Variants in VPS50 observed in about 807,000 individuals in gnomAD.
The protein encoded by VPS50 is VPS50 subunit of EARP/GARPII complex.
In VPS50, 70 loss-of-function variants were observed where a neutral mutation model predicts 139.7. The observed-to-expected ratio is 0.50, with a 90% CI of 0.41 to 0.61. The LOEUF (loss-of-function observed/expected upper bound fraction) is 0.61. Among genes scored for constraint, VPS50 ranks in the 20% least tolerant of loss-of-function variants. The pLI, the probability that VPS50 is intolerant of heterozygous loss-of-function variation, is 0.00. For synonymous variants in VPS50, 365 were observed against 376.7 expected, an observed-to-expected ratio of 0.97 and a Z score of 0.36; for missense variants, 921 against 1,133.7, an observed-to-expected ratio of 0.81 and a Z score of 2.69.
At chr7:93,272,479 CTT>C (rs988469402) in intron 10 of VPS50, among the ~76,000 whole-genome samples, 154 bp from the exon 11 acceptor site, 2 of 151,790 alleles carry the variant, frequency 1.3e-5, no homozygotes, top group African/African-American at 4.8e-5. Flanking sequence ...CAATTTATAA[CTT>C]TATTTAAATT....
intron 21 of VPS50, among the ~76,000 whole-genome samples, chr7:93,326,429 CT>C (rs1797777937): frequency 7.2e-6 from 1 of 139,084 alleles, no homozygotes; most frequent in African/African-American, 2.8e-5. Flanking sequence ...CACATGTACC[CT>C]AAAACTTAAA....
rs770491697 is a variant in VPS50 at position 93,258,420 on chromosome 7, G to T, written c.576+28G>T. 3 of 1,571,810 alleles carry T rather than the reference G, an allele frequency of 1.9e-6. No homozygotes were observed. In the Admixed American group the frequency reaches 5.0e-5, roughly 26 times the overall value. ...AAGTTAACAAGTTTTGGAAATTTAG[G>T]GTCCTACTGATATATAGAAACAGTA... On this transcript the variant is annotated intron_variant, in intron 8 of 27. Coordinates refer to ENST00000305866, the MANE Select transcript of VPS50 (RefSeq NM_017667.4).
At chr7:93,355,862 G>GT in intron 26 of VPS50, 29 bp from the exon 27 acceptor site, 1 of 1,404,976 alleles carries the variant, frequency 7.1e-7, no homozygotes, top group Non-Finnish European at 9.8e-7. Context: ...ATCCTATAAT[G>GT]TATTTTTTTT....
rs531126378 is a variant in VPS50 at position 93,360,875 on chromosome 7, G to A, written c.*2439G>A. ...GGTTTATAAAACCAACAGAGATTTT[G>A]TAAGTTCACTTTAACTAATAAACTC... On this transcript the variant is annotated 3_prime_UTR_variant, in exon 28 of 28. Coordinates refer to ENST00000305866, the MANE Select transcript of VPS50 (RefSeq NM_017667.4). The A allele has an allele frequency of 3.9e-5, 6 of 151,986 alleles. No homozygotes were observed. The South Asian group carries it at 1.2e-3, about 32-fold the overall frequency. 9.4% of individuals were successfully genotyped at this position (151,986 alleles called of 1,614,324 possible).
At chr7:93,242,487 A>G (rs1340090953) in intron 2 of VPS50, among the ~76,000 whole-genome samples, 1 of 151,796 alleles carries the variant, frequency 6.6e-6, no homozygotes, top group Non-Finnish European at 1.5e-5. Context: ...TGATATATAT[A>G]TATATATAAC....
At chr7:93,309,165 A>T (rs1797197155) in intron 19 of VPS50, among the ~76,000 whole-genome samples, 2 of 152,026 alleles carry the variant, frequency 1.3e-5, no homozygotes, top group Admixed American at 1.3e-4. Context: ...AAATAGTTAT[A>T]TGAAAAGTTC....
intron 21 of VPS50, among the ~76,000 whole-genome samples, chr7:93,329,474 CAT>C (rs1455855089): frequency 6.6e-6 from 1 of 151,140 alleles, no homozygotes; most frequent in Non-Finnish European, 1.5e-5. Flanking sequence ...CATGGTAAAA[CAT>C]ACATGTAATT....
intron 22 of VPS50, among the ~76,000 whole-genome samples, chr7:93,336,984 G>T (rs1798085167): frequency 6.6e-6 from 1 of 152,144 alleles, no homozygotes; most frequent in South Asian, 2.1e-4. Flanking sequence ...TCTTTAAAGG[G>T]TTATATCCTT....
At chr7:93,265,808 C>T (rs1795825529) in intron 9 of VPS50, among the ~76,000 whole-genome samples, 1 of 152,104 alleles carries the variant, frequency 6.6e-6, no homozygotes, top group Non-Finnish European at 1.5e-5. Flanking sequence ...CTCAGATGAT[C>T]CACCTGCCTC....
intron 12 of VPS50, among the ~76,000 whole-genome samples, chr7:93,285,224 T>G (rs1796448687): frequency 6.6e-6 from 1 of 152,212 alleles, no homozygotes; most frequent in Admixed American, 6.5e-5. Context: ...ACTGGGAATT[T>G]TGGATCTCTG....
chr7:93,309,867 TTCTTAATGATA>T (rs1324263089), intron 19 of VPS50, among the ~76,000 whole-genome samples: 13 of 152,004 alleles, frequency 8.6e-5, no homozygotes, highest in Non-Finnish European at 2.9e-5. Context: ...TAATGATAGA[TTCTTAATGATA>T]AGTATATTCT....
In VPS50 at chr7:93,252,583, T is replaced by A. The variant is rs912540299; in HGVS notation, c.103-70T>A. 4 of 1,023,910 alleles carry A rather than the reference T, an allele frequency of 3.9e-6. No homozygotes were observed. In the African/African-American group the frequency reaches 6.5e-5, roughly 17 times the overall value. 63.4% of individuals were successfully genotyped at this position (1,023,910 alleles called of 1,614,324 possible). A position where few individuals can be genotyped will look rare whatever the true frequency, so the allele number is the denominator to read the frequency against. On this transcript the variant is annotated intron_variant, in intron 2 of 27. Transcript: ENST00000305866. Reference sequence around the variant, plus strand: ...TAGATGTGACTGTTAAGACAAATGATCATTTATTTCCATGCAGATATAATT... The same window carrying A: ...TAGATGTGACTGTTAAGACAAATGAACATTTATTTCCATGCAGATATAATT...
chr7:93,269,262 C>G (rs1386832550), intron 9 of VPS50, among the ~76,000 whole-genome samples: 2 of 151,980 alleles, frequency 1.3e-5, no homozygotes, highest in Non-Finnish European at 2.9e-5. Flanking sequence ...ATTTTTTTGG[C>G]AGGAGTTGTC....
chr7:93,348,567 A>G, intron 23 of VPS50, 144 bp from the exon 24 acceptor site: 1 of 591,756 alleles, frequency 1.7e-6, no homozygotes, highest in Admixed American at 3.0e-5. Flanking sequence ...GTCAAGTGGT[A>G]GTACAGGTTC....
At chr7:93,262,982 T>A (rs1352945684) in intron 9 of VPS50, among the ~76,000 whole-genome samples, 1 of 152,228 alleles carries the variant, frequency 6.6e-6, no homozygotes, top group Non-Finnish European at 1.5e-5. Flanking sequence ...AAAGACATTG[T>A]TATTCTAACA....
chr7:93,352,038 T>C (rs1326514036), intron 25 of VPS50, among the ~76,000 whole-genome samples: 1 of 152,220 alleles, frequency 6.6e-6, no homozygotes, highest in African/African-American at 2.4e-5. Context: ...AACAATCTGC[T>C]TATATTGCCC....
chr7:93,239,832 A>G, intron 1 of VPS50, 34 bp from the exon 2 acceptor site: 1 of 1,251,122 alleles, frequency 8.0e-7, no homozygotes, highest in Non-Finnish European at 1.2e-6. Context: ...CTTCAGCATG[A>G]TTAAAATTTT....
chr7:93,333,114 G>A (rs1413960219), intron 21 of VPS50, among the ~76,000 whole-genome samples: 1 of 152,066 alleles, frequency 6.6e-6, no homozygotes, highest in Non-Finnish European at 1.5e-5. Flanking sequence ...ATACCTTAAT[G>A]AAAATAGAAG....
chr7:93,293,509 G>T (rs1436925218), intron 13 of VPS50, among the ~76,000 whole-genome samples: 5 of 152,132 alleles, frequency 3.3e-5, no homozygotes, highest in African/African-American at 1.2e-4. Context: ...GCTGTCAGCT[G>T]ATAGTATCTA....
Sources: allele counts gnomAD v4.1 joint callset (sites outside exome capture counted in the v4.1 genomes callset), GRCh38; gene constraint gnomAD v4.1.1; transcripts MANE v1.5; gene names NCBI Gene and HGNC (gene_info 2026-07-23, HGNC 2026-07-21).